RALYL: variants seen among roughly 807,000 people sequenced by gnomAD.
The protein encoded by RALYL is RNA-binding Raly-like protein.
Under a neutral mutation model 35.1 loss-of-function variants are expected in RALYL, and 29 were observed. The ratio of observed to expected loss-of-function variants is 0.83; its 90% CI spans 0.61 to 1.13. The LOEUF is 1.13. Among genes scored for constraint, RALYL ranks in the 50% most tolerant of loss-of-function variants. The pLI is 0.00. For missense variants in RALYL, 359 were observed against 360.4 expected (o/e 1.00, Z 0.03); for synonymous variants, 120 against 127.6 (o/e 0.94, Z 0.40).
At position 84,370,535 on chromosome 8, in the gene RALYL, T is replaced by C. The variant is rs899960408; in HGVS notation, c.-23-158764T>C. On this transcript the variant is annotated intron_variant, in intron 1 of 8. Coordinates refer to ENST00000521268, the MANE Select transcript of RALYL (RefSeq NM_173848.7). ...TGAGTCTGTTAAACGGGGAACCATATGATATGTTCAGTAAAATTAGTATGT... is the reference window on the plus strand; with the variant it reads ...TGAGTCTGTTAAACGGGGAACCATACGATATGTTCAGTAAAATTAGTATGT... 2.6e-5 allele frequency among the ~76,000 whole-genome samples: 4 copies of C among 151,906 alleles called. No homozygotes were observed. In the East Asian group the frequency reaches 5.8e-4, roughly 22 times the overall value.
intron 6 of RALYL, among the ~76,000 whole-genome samples, chr8:84,870,115 T>C (rs940101847): frequency 6.6e-6 from 1 of 152,142 alleles, no homozygotes; most frequent in Admixed American, 6.6e-5. Context: ...TCCTAGGAAC[T>C]TTGTAATTTT....
chr8:84,774,564 A>G lies in RALYL; in HGVS notation c.257-15A>G, dbSNP rs922248317. On this transcript the variant is annotated splice_polypyrimidine_tract_variant and intron_variant, in intron 2 of 8. Coordinates refer to ENST00000521268, the MANE Select transcript of RALYL (RefSeq NM_173848.7). ...GTATTTTCTTAATCAGTACTGTTTT[A>G]TTTTATGCTTTCAGATATCAACATG... 2 of 1,568,310 alleles carry G rather than the reference A, an allele frequency of 1.3e-6. No individual in the cohort carries two copies. Among genetic ancestry groups the G allele is most frequent in the Non-Finnish European group, 1.7e-6 (2 of 1,148,132 alleles).
intron 2 of RALYL, among the ~76,000 whole-genome samples, chr8:84,709,190 T>C (rs1297542049): frequency 6.6e-6 from 1 of 152,118 alleles, no homozygotes; most frequent in Non-Finnish European, 1.5e-5. Context: ...GAGAAAGTGT[T>C]CTGTAGGGTA....
intron 1 of RALYL, among the ~76,000 whole-genome samples, chr8:84,184,693 C>T (rs1056921847): frequency 1.3e-5 from 2 of 151,958 alleles, no homozygotes; most frequent in Admixed American, 6.5e-5. Context: ...GGTCGTCTCC[C>T]GGCGGGGCGG....
chr8:84,626,019 A>G (rs1277015117), intron 2 of RALYL, among the ~76,000 whole-genome samples: 2 of 152,192 alleles, frequency 1.3e-5, no homozygotes, highest in Non-Finnish European at 2.9e-5. Flanking sequence ...TATGACAAAA[A>G]TATAGCAGAG....
At chr8:84,842,147 A>G (rs1364271863) in intron 4 of RALYL, among the ~76,000 whole-genome samples, 1 of 152,204 alleles carries the variant, frequency 6.6e-6, no homozygotes, top group East Asian at 1.9e-4. Context: ...TAGAGACACA[A>G]AAAACCCTTC....
At chr8:84,904,345 C>T (rs886119143) in intron 8 of RALYL, among the ~76,000 whole-genome samples, 3 of 152,090 alleles carry the variant, frequency 2.0e-5, no homozygotes, top group Admixed American at 6.6e-5. Flanking sequence ...TTAACCATCG[C>T]TAATTGACCT....
chr8:84,750,591 A>G (rs1021336885), intron 2 of RALYL, among the ~76,000 whole-genome samples: 2 of 152,184 alleles, frequency 1.3e-5, no homozygotes, highest in Non-Finnish European at 2.9e-5. Context: ...ATGGGCATTT[A>G]AGAGGAAATA....
chr8:84,427,317 C>T (rs2046604815), intron 1 of RALYL, among the ~76,000 whole-genome samples: 1 of 152,152 alleles, frequency 6.6e-6, no homozygotes, highest in African/African-American at 2.4e-5. Flanking sequence ...TCCATATCCT[C>T]CTTTTTAGAT....
chr8:84,216,221 T>G (rs1820776279), intron 1 of RALYL, among the ~76,000 whole-genome samples: 1 of 152,126 alleles, frequency 6.6e-6, no homozygotes, highest in South Asian at 2.1e-4. Context: ...CTATGATGTA[T>G]ACATTTCAAA....
intron 2 of RALYL, among the ~76,000 whole-genome samples, chr8:84,655,085 A>G (rs1307241192): frequency 1.3e-5 from 2 of 152,118 alleles, no homozygotes; most frequent in Non-Finnish European, 2.9e-5. Context: ...CCTTTCTGCT[A>G]CATGCTCACC....
At chr8:84,272,486 T>C (rs567383785) in intron 1 of RALYL, among the ~76,000 whole-genome samples, 1 of 152,332 alleles carries the variant, frequency 6.6e-6, no homozygotes, top group East Asian at 1.9e-4. Context: ...CTGCAAGATT[T>C]CAGAAAGTGG....
intron 2 of RALYL, among the ~76,000 whole-genome samples, chr8:84,530,950 A>G (rs1323852631): frequency 6.6e-6 from 1 of 152,100 alleles, no homozygotes; most frequent in Non-Finnish European, 1.5e-5. Context: ...GGTCTTTGCT[A>G]ATTATTTGCT....
At chr8:84,823,623 C>CA (rs1005751397) in intron 4 of RALYL, among the ~76,000 whole-genome samples, 1 of 152,074 alleles carries the variant, frequency 6.6e-6, no homozygotes, top group Non-Finnish European at 1.5e-5. Context: ...CTCCCTTTCT[C>CA]ACCCCTCCCA....
chr8:84,402,790 G>C (rs1306592289), intron 1 of RALYL, among the ~76,000 whole-genome samples: 2 of 152,090 alleles, frequency 1.3e-5, no homozygotes, highest in Non-Finnish European at 2.9e-5. Flanking sequence ...TTGTAAAAAT[G>C]TTCCTATTTC....
intron 2 of RALYL, among the ~76,000 whole-genome samples, chr8:84,673,684 T>C (rs1034464574): frequency 6.6e-6 from 1 of 152,170 alleles, no homozygotes; most frequent in Non-Finnish European, 1.5e-5. Context: ...GATCAGATAA[T>C]TGTAGGTGCA....
At chr8:84,492,734 T>C (rs2055483375) in intron 1 of RALYL, among the ~76,000 whole-genome samples, 2 of 152,170 alleles carry the variant, frequency 1.3e-5, no homozygotes, top group African/African-American at 4.8e-5. Flanking sequence ...ACATTATGCA[T>C]ATAAATGAAT....
intron 1 of RALYL, among the ~76,000 whole-genome samples, chr8:84,223,776 G>T (rs1823117591): frequency 6.6e-6 from 1 of 152,186 alleles, no homozygotes; most frequent in Admixed American, 6.5e-5. Flanking sequence ...GTGGCACATA[G>T]TAAGTGATCA....
At chr8:84,914,255 C>A (rs1256780561) in intron 8 of RALYL, among the ~76,000 whole-genome samples, 1 of 151,970 alleles carries the variant, frequency 6.6e-6, no homozygotes, top group Admixed American at 6.6e-5. Flanking sequence ...GCTTTTCGCA[C>A]TAGCATTAAC....
Sources: allele counts gnomAD v4.1 joint callset (sites outside exome capture counted in the v4.1 genomes callset), GRCh38; gene constraint gnomAD v4.1.1; transcripts MANE v1.5; gene names NCBI Gene and HGNC (gene_info 2026-07-23, HGNC 2026-07-21).